Variants in EIF4E observed in about 807,000 individuals in gnomAD.
EIF4E encodes eukaryotic translation initiation factor 4E.
For synonymous variants in EIF4E, 71 were observed against 88.5 expected (o/e 0.80, Z 1.11); for missense variants, 113 against 265.6 (o/e 0.43, Z 3.99).
At chr4:98,886,358 T>C (rs913132731) in intron 5 of EIF4E, 1 of 309,138 alleles carries the variant, frequency 3.2e-6, no homozygotes, top group African/African-American at 2.2e-5. Context: ...TTCCAGTTAA[T>C]ATCACAACAT....
chr4:98,924,110 C>CCAGA, intron 1 of EIF4E, among the ~76,000 whole-genome samples: 1 of 150,908 alleles, frequency 6.6e-6, no homozygotes, highest in African/African-American at 2.4e-5. Context: ...CGGAGTCTCG[C>CCAGA]TCTGTCACCC....
Sources: allele counts gnomAD v4.1 joint callset (sites outside exome capture counted in the v4.1 genomes callset), GRCh38; gene constraint gnomAD v4.1.1; transcripts MANE v1.5; gene names NCBI Gene and HGNC (gene_info 2026-07-23, HGNC 2026-07-21).